Variants in SLC24A2 observed in about 807,000 individuals in gnomAD.
SLC24A2 encodes solute carrier family 24 member 2.
Under a neutral mutation model 62.0 loss-of-function variants are expected in SLC24A2, and 36 were observed. The observed-to-expected ratio is 0.58, with a 90% confidence interval of 0.44 to 0.77. SLC24A2 has a LOEUF of 0.77. SLC24A2 is among the 30% of genes least tolerant of loss of function. The pLI is 0.00. For synonymous variants in SLC24A2, 358 were observed against 294.0 expected (o/e 1.22, Z -2.23); for missense variants, 846 against 817.9 (o/e 1.03, Z -0.42).
chr9:20,294,460 T>A, the SLC24A2 span, among the ~76,000 whole-genome samples: 9 of 152,352 alleles, frequency 5.9e-5, no homozygotes, highest in Admixed American at 5.2e-4. Context: ...GAGCTGCTGC[T>A]GCATTTTAGG....
intron 2 of SLC24A2, among the ~76,000 whole-genome samples, chr9:19,723,062 C>T (rs1821074834): frequency 6.6e-6 from 1 of 151,992 alleles, no homozygotes; most frequent in South Asian, 2.1e-4. Flanking sequence ...AATATTGGGG[C>T]TTGGGGGTGG....
At chr9:20,043,316 C>T in the SLC24A2 span, among the ~76,000 whole-genome samples, 1 of 152,210 alleles carries the variant, frequency 6.6e-6, no homozygotes, top group Non-Finnish European at 1.5e-5. Context: ...ATGTTGTTTT[C>T]TTGCCTGCTA....
At chr9:19,547,844 C>G (rs190106213) in intron 8 of SLC24A2, among the ~76,000 whole-genome samples, 3 of 151,678 alleles carry the variant, frequency 2.0e-5, no homozygotes, top group East Asian at 1.9e-4. Context: ...GAGAGACAGA[C>G]AGAGAGAGGA....
At chr9:20,290,653 G>C in the SLC24A2 span, among the ~76,000 whole-genome samples, 4 of 152,238 alleles carry the variant, frequency 2.6e-5, no homozygotes, top group Non-Finnish European at 4.4e-5. Context: ...TGCAGGGTGA[G>C]GGGAAAGAGC....
At position 19,786,803 on chromosome 9, in the gene SLC24A2, A is replaced by G. The variant is rs775089538; in HGVS notation, c.64T>C (p.Ser22Pro). 3.7e-6 allele frequency: 6 copies of G among 1,611,190 alleles called. No homozygotes were observed. Among genetic ancestry groups the G allele is most frequent in the Non-Finnish European group, 4.2e-6 (5 of 1,179,044 alleles). The part of the protein sequence containing the change: ...LEKWCLDESL[S>P]GCRRHYSVKK... ...ACACTATAATGTCTTCTGCAGCCAG[A>G]CAGTGACTCATCCAAACACCATTTC... is the stretch of plus-strand genomic sequence containing the variant. Residue 22 changes from serine to proline, a missense_variant, in exon 2 of 11, where the codon TCT becomes CCT. Ser to Pro is a moderately conservative substitution (Grantham distance 74). Coordinates refer to ENST00000341998, the MANE Select transcript of SLC24A2 (RefSeq NM_020344.4). The surrounding 1 kb of genome is among the most constrained non-coding windows in gnomAD (Gnocchi z 5.0).
chr9:20,093,612 G>A, the SLC24A2 span, among the ~76,000 whole-genome samples: 3 of 152,082 alleles, frequency 2.0e-5, no homozygotes, highest in Non-Finnish European at 2.9e-5. Flanking sequence ...TATTATAGAG[G>A]TAACATGTTT....
At chr9:19,775,393 T>C (rs751339982) in intron 2 of SLC24A2, among the ~76,000 whole-genome samples, 11 of 152,244 alleles carry the variant, frequency 7.2e-5, no homozygotes, top group Non-Finnish European at 1.5e-4. Context: ...TGCTGTGATC[T>C]ATGCCTTTTT....
At chr9:19,790,090 G>C (rs1823293731), upstream of SLC24A2, among the ~76,000 whole-genome samples, 1 of 151,402 alleles carries the variant, frequency 6.6e-6, no homozygotes, top group Non-Finnish European at 1.5e-5. Flanking sequence ...AGGCATTCAA[G>C]ACTCAACTTT....
the SLC24A2 span, among the ~76,000 whole-genome samples, chr9:20,069,203 C>T: frequency 6.6e-6 from 1 of 152,122 alleles, no homozygotes. Context: ...ACTCTACACA[C>T]TTTGCTGAAC....
At chr9:20,019,147 A>T in the SLC24A2 span, among the ~76,000 whole-genome samples, 1 of 107,728 alleles carries the variant, frequency 9.3e-6, no homozygotes, top group Non-Finnish European at 2.0e-5. Context: ...GAAAGAAAGA[A>T]AGAAAGAAAG....
intron 2 of SLC24A2, among the ~76,000 whole-genome samples, chr9:19,771,619 C>T (rs1162124780): frequency 6.6e-6 from 1 of 152,172 alleles, no homozygotes; most frequent in Non-Finnish European, 1.5e-5. Context: ...GTGTAGCTGA[C>T]ACAAGCTAGA....
At position 19,576,292 on chromosome 9, in the gene SLC24A2, G is replaced by T. The variant is rs550561198; in HGVS notation, c.1228+632C>A. Among the ~76,000 whole-genome samples, 4 of 152,324 alleles carry T rather than the reference G, an allele frequency of 2.6e-5. No homozygotes were observed. In the South Asian group the frequency reaches 8.3e-4, roughly 32 times the overall value. Reference sequence around the variant, plus strand: ...AGAGCTATATTATAGTTACAGACAGGAGAGAAGGAACATCATGTTCCATTT... The same window carrying T: ...AGAGCTATATTATAGTTACAGACAGTAGAGAAGGAACATCATGTTCCATTT... On this transcript the variant is annotated intron_variant, in intron 6 of 10. Coordinates refer to ENST00000341998, the MANE Select transcript of SLC24A2 (RefSeq NM_020344.4).
chr9:19,825,786 C>T, the SLC24A2 span, among the ~76,000 whole-genome samples: 2 of 151,764 alleles, frequency 1.3e-5, no homozygotes, highest in Non-Finnish European at 2.9e-5. Flanking sequence ...AATTATTTTG[C>T]TTGTAGGGAT....
chr9:20,252,882 G>T, the SLC24A2 span, among the ~76,000 whole-genome samples: 10 of 152,202 alleles, frequency 6.6e-5, no homozygotes, highest in African/African-American at 2.4e-4. Flanking sequence ...TAACTAAGTA[G>T]CTGGTGCTTC....
At chr9:20,005,459 T>G in the SLC24A2 span, among the ~76,000 whole-genome samples, 1 of 152,200 alleles carries the variant, frequency 6.6e-6, no homozygotes, top group Admixed American at 6.5e-5. Context: ...ACGCTGATAT[T>G]GTACCCATTT....
the SLC24A2 span, among the ~76,000 whole-genome samples, chr9:20,241,838 T>C: frequency 2.0e-5 from 3 of 152,222 alleles, no homozygotes; most frequent in East Asian, 1.9e-4. Flanking sequence ...GGAGCAGAGA[T>C]GCAAGACAGT....
intron 2 of SLC24A2, among the ~76,000 whole-genome samples, chr9:19,749,166 G>T (rs907126304): frequency 6.6e-6 from 1 of 150,622 alleles, no homozygotes; most frequent in Non-Finnish European, 1.5e-5. Flanking sequence ...GGTTAAAATA[G>T]ACAACAAAAA....
chr9:19,731,478 G>C (rs975840280), intron 2 of SLC24A2, among the ~76,000 whole-genome samples: 1 of 151,458 alleles, frequency 6.6e-6, no homozygotes, highest in Middle Eastern at 3.4e-3. Flanking sequence ...TATAAAAAGA[G>C]ACACTTAAGA....
chr9:19,547,344 G>A (rs930934356), intron 8 of SLC24A2, among the ~76,000 whole-genome samples: 4 of 152,212 alleles, frequency 2.6e-5, no homozygotes, highest in African/African-American at 9.6e-5. Context: ...CTCAGAGGGG[G>A]ACTGCACAGG....
Sources: allele counts gnomAD v4.1 joint callset (sites outside exome capture counted in the v4.1 genomes callset), GRCh38; gene constraint gnomAD v4.1.1; non-coding constraint Gnocchi (gnomAD v3.1); transcripts MANE v1.5; gene names NCBI Gene and HGNC (gene_info 2026-07-23, HGNC 2026-07-21).